The following RELN variants were observed in gnomAD, a reference collection of about 807,000 sequenced individuals.
RELN encodes the protein reelin.
A neutral mutation model predicts 427.6 loss-of-function variants in RELN; 108 were observed. The observed-to-expected ratio is 0.25, with a 90% CI of 0.22 to 0.30. The LOEUF (loss-of-function observed/expected upper bound fraction) is 0.30, where lower values mean the gene tolerates loss of function less well. RELN is among the 10% of genes least tolerant of loss of function. RELN has a pLI of 1.00. For synonymous variants in RELN, 1,524 were observed against 1,513.4 expected (o/e 1.01, Z -0.16); for missense variants, 3,715 against 4,302.8 (o/e 0.86, Z 3.82).
intron 9 of RELN, among the ~76,000 whole-genome samples, chr7:103,699,287 G>A (rs1370273183): frequency 6.6e-6 from 1 of 152,106 alleles, no homozygotes; most frequent in African/African-American, 2.4e-5. Flanking sequence ...CCGTAAAATT[G>A]TCACCATAGG....
chr7:103,948,026 T>A (rs1198346787), intron 1 of RELN, among the ~76,000 whole-genome samples: 1 of 152,188 alleles, frequency 6.6e-6, no homozygotes, highest in African/African-American at 2.4e-5. Flanking sequence ...TTTCATCAGA[T>A]GAATAACATT....
chr7:103,794,913 C>T (rs758862351), intron 3 of RELN, among the ~76,000 whole-genome samples: 1 of 152,150 alleles, frequency 6.6e-6, no homozygotes, highest in Non-Finnish European at 1.5e-5. Context: ...AAGAACTCAG[C>T]CCATATCAAA....
intron 8 of RELN, among the ~76,000 whole-genome samples, chr7:103,713,294 GGT>G (rs1789851786): frequency 1.3e-5 from 2 of 152,152 alleles, no homozygotes; most frequent in African/African-American, 4.8e-5. Flanking sequence ...AACAGCATTT[GGT>G]ATAGAAAGAT....
chr7:103,519,266 G>T (rs1829644672), intron 49 of RELN, 57 bp downstream of exon 49: 4 of 1,357,868 alleles, frequency 2.9e-6, no homozygotes, highest in Non-Finnish European at 4.2e-6. Flanking sequence ...GTGACTGATT[G>T]CTGGTAGCAA....
At chr7:103,894,107 T>C (rs1471850643) in intron 2 of RELN, among the ~76,000 whole-genome samples, 1 of 152,158 alleles carries the variant, frequency 6.6e-6, no homozygotes, top group African/African-American at 2.4e-5. Context: ...AAAGTCTTCC[T>C]CATGCATTTT....
intron 25 of RELN, among the ~76,000 whole-genome samples, chr7:103,596,095 C>T (rs1040372233): frequency 1.2e-4 from 18 of 152,150 alleles, no homozygotes; most frequent in African/African-American, 4.3e-4. Context: ...ACTGTTAAAT[C>T]TAAGAGCTAA....
rs1218362706 is a variant in RELN at position 103,968,813 on chromosome 7, A to G, written c.226+20318T>C. 6.6e-6 allele frequency among the ~76,000 whole-genome samples: 1 copy of G among 152,210 alleles called. No homozygotes were observed. The highest frequency in any genetic ancestry group is 2.4e-5 in the African/African-American group (1 of 41,458). Reference sequence around the variant, plus strand: ...GACATTCTGCCTAACAACAACAAAAACAATTACAGACAAAACTTCATAATA... The same window carrying G: ...GACATTCTGCCTAACAACAACAAAAGCAATTACAGACAAAACTTCATAATA... On this transcript the variant is annotated intron_variant, in intron 1 of 64. Coordinates refer to ENST00000428762, the MANE Select transcript of RELN (RefSeq NM_005045.4). This position sits in a 1 kb window ranked among gnomAD's most constrained non-coding sequence, Gnocchi z 4.3.
intron 16 of RELN, among the ~76,000 whole-genome samples, chr7:103,647,673 T>C (rs951277137): frequency 6.6e-6 from 1 of 151,926 alleles, no homozygotes; most frequent in African/African-American, 2.4e-5. Context: ...AGAATACTAA[T>C]GTCATTTTTC....
At chr7:103,831,742 A>G (rs1793278659) in intron 3 of RELN, among the ~76,000 whole-genome samples, 1 of 152,184 alleles carries the variant, frequency 6.6e-6, no homozygotes, top group Non-Finnish European at 1.5e-5. Flanking sequence ...GGGAGATAAC[A>G]GAGAAGATAA....
rs1025565899 is a variant in RELN at position 103,568,887 on chromosome 7, C to T, written c.4589-2128G>A. 5.9e-5 allele frequency among the ~76,000 whole-genome samples: 9 copies of T among 152,294 alleles called. No individual in the cohort carries two copies. The South Asian group carries it at 1.2e-3, about 21-fold the overall frequency. Reference sequence around the variant, plus strand: ...GGCTGGTCCTTTCTAGTGCCTTTGACTCAAAGTATGGTCTGAGACCAGCAC... The same window carrying T: ...GGCTGGTCCTTTCTAGTGCCTTTGATTCAAAGTATGGTCTGAGACCAGCAC... On this transcript the variant is annotated intron_variant, in intron 31 of 64. Coordinates refer to ENST00000428762, the MANE Select transcript of RELN (RefSeq NM_005045.4).
At chr7:103,494,681 A>C (rs1828779891) in intron 57 of RELN, among the ~76,000 whole-genome samples, 1 of 151,542 alleles carries the variant, frequency 6.6e-6, no homozygotes, top group Non-Finnish European at 1.5e-5. Context: ...ATAGAGATAC[A>C]TCAATTGATA....
In RELN at chr7:103,540,289, T is replaced by G; in HGVS notation, c.6838A>C (p.Ile2280Leu). ...GAACCAGAACGGGCTTTCAAGGGTA[T>G]CTCCAGGGCAATGTACCTGCCCACA... ...SNVGRYIALE[I>L]PLKARSGSTR... The change falls in exon 44 of 65, where the codon ATA (isoleucine) becomes CTA (leucine). Residue 2280 changes from isoleucine to leucine, a missense_variant. By Grantham distance (5) the Ile-to-Leu change is conservative (BLOSUM62 2). Transcript: ENST00000428762. 1 of 1,614,136 alleles carries G rather than the reference T, an allele frequency of 6.2e-7. No individual in the cohort carries two copies. The highest frequency in any genetic ancestry group is 8.5e-7 in the Non-Finnish European group (1 of 1,180,042).
intron 60 of RELN, among the ~76,000 whole-genome samples, chr7:103,488,372 A>C (rs1828520927): frequency 6.6e-6 from 1 of 152,192 alleles, no homozygotes; most frequent in South Asian, 2.1e-4. Context: ...CAAATTCCAG[A>C]CATCGAGGAC....
At position 103,786,356 on chromosome 7, in the gene RELN, T is replaced by A. The variant is rs114148860; in HGVS notation, c.474-9729A>T. On this transcript the variant is annotated intron_variant, in intron 3 of 64. Coordinates refer to ENST00000428762, the MANE Select transcript of RELN (RefSeq NM_005045.4). The stretch of plus-strand genomic sequence containing the variant: ...CTGTTTTCTATTTGCTTATGTTTAA[T>A]ATTTATTATAAATAGTTGCCATGTC... 3.9e-3 allele frequency among the ~76,000 whole-genome samples: 592 copies of A among 151,986 alleles called. 4 individuals are homozygous for A. Among genetic ancestry groups the A allele is most frequent in the African/African-American group, 0.013 (559 of 41,522 alleles).
intron 1 of RELN, among the ~76,000 whole-genome samples, chr7:103,986,935 T>TGC (rs1797111465): frequency 1.1e-4 from 1 of 9,122 alleles, no homozygotes; most frequent in South Asian, 2.8e-3. Flanking sequence ...AGAAGCTGTG[T>TGC]GTGTGTGTGT....
chr7:103,742,042 C>A (rs546381577), intron 6 of RELN, among the ~76,000 whole-genome samples: 1 of 152,126 alleles, frequency 6.6e-6, no homozygotes, highest in Admixed American at 6.5e-5. Context: ...ACACCGCACA[C>A]GGCCAGGTAC....
At chr7:103,575,009 G>T (rs564496793) in intron 29 of RELN, among the ~76,000 whole-genome samples, 6 of 152,162 alleles carry the variant, frequency 3.9e-5, no homozygotes, top group African/African-American at 1.4e-4. Flanking sequence ...AAAAAATAAC[G>T]TTTCCTATAG....
At chr7:103,742,397 C>T (rs547524814) in intron 6 of RELN, among the ~76,000 whole-genome samples, 16 of 152,200 alleles carry the variant, frequency 1.1e-4, no homozygotes, top group South Asian at 2.1e-4. Flanking sequence ...TCACCAGTAA[C>T]GGAACAAAAC....
intron 4 of RELN, among the ~76,000 whole-genome samples, chr7:103,769,111 T>C (rs1050631212): frequency 6.6e-6 from 1 of 152,204 alleles, no homozygotes; most frequent in African/African-American, 2.4e-5. Context: ...CTTCCCTTTA[T>C]GATGTACTGA....
Sources: gnomAD v4.1 joint callset for allele counts (sites outside exome capture counted in the v4.1 genomes callset) on GRCh38, gnomAD v4.1.1 for gene constraint, Gnocchi (gnomAD v3.1) non-coding constraint, MANE v1.5 for transcripts, NCBI Gene and HGNC (gene_info 2026-07-23, HGNC 2026-07-21) for gene names.